SIDT1: variants seen among roughly 807,000 people sequenced by gnomAD.
SIDT1 encodes the protein SID1 transmembrane family, member 1.
In SIDT1, 101 loss-of-function variants were observed where a neutral mutation model predicts 107.5. That is an observed-to-expected ratio of 0.94 (90% CI 0.80 to 1.11). SIDT1 has a LOEUF of 1.11. SIDT1 is among the 50% of genes least tolerant of loss of function. The pLI, the probability that SIDT1 is intolerant of heterozygous loss-of-function variation, is 0.00. For missense variants in SIDT1, 1,076 were observed against 1,058.2 expected, an observed-to-expected ratio of 1.02 and a Z score of -0.23; for synonymous variants, 395 against 398.2, an observed-to-expected ratio of 0.99 and a Z score of 0.10.
chr3:113,560,525 G>T (rs1388342234), intron 1 of SIDT1, among the ~76,000 whole-genome samples: 1 of 152,148 alleles, frequency 6.6e-6, no homozygotes, highest in Non-Finnish European at 1.5e-5. Context: ...GGGAGGGAGC[G>T]AGGAGGAGCT....
intron 19 of SIDT1, chr3:113,615,015 A>G: frequency 2.0e-6 from 3 of 1,533,826 alleles, no homozygotes. Flanking sequence ...ACTTTCTTAC[A>G]CGTCTCTCTT....
intron 3 of SIDT1, among the ~76,000 whole-genome samples, chr3:113,572,287 T>C (rs1942528797): frequency 1.3e-5 from 2 of 152,186 alleles, no homozygotes; most frequent in African/African-American, 4.8e-5. Flanking sequence ...TATACTAACA[T>C]GACACTTAGG....
intron 4 of SIDT1, among the ~76,000 whole-genome samples, chr3:113,579,268 A>C (rs1274673004): frequency 6.6e-6 from 1 of 152,212 alleles, no homozygotes; most frequent in African/African-American, 2.4e-5. Flanking sequence ...GTTTATGGTA[A>C]TTTGCAGATA....
chr3:113,550,468 A>G (rs920352167), intron 1 of SIDT1, among the ~76,000 whole-genome samples: 1 of 152,222 alleles, frequency 6.6e-6, no homozygotes, highest in East Asian at 1.9e-4. Context: ...GTGGCGGAAG[A>G]TGAAGAACAC....
At chr3:113,612,013 A>G in intron 18 of SIDT1, 73 bp from the exon 19 acceptor site, 1 of 1,078,748 alleles carries the variant, frequency 9.3e-7, no homozygotes, top group Non-Finnish European at 1.4e-6. Context: ...TTACACATAC[A>G]GGAGAGAGGA....
rs1390835738 is a variant in SIDT1, at chr3:113,598,936, C to T, written c.1046-2652C>T. 3.3e-5 allele frequency among the ~76,000 whole-genome samples: 5 copies of T among 152,146 alleles called. No homozygotes were observed. In the East Asian group the frequency reaches 7.7e-4, roughly 23 times the overall value. ...GAGTCAAGGAGTTGGAGGCCAGCCT[C>T]GTCAACCTAGGGAGATTCTGTCTCT... On this transcript the variant is annotated intron_variant, in intron 10 of 24. Coordinates refer to ENST00000264852, the MANE Select transcript of SIDT1 (RefSeq NM_017699.3).
chr3:113,569,138 CAAAAAAAAA>C (rs780715523), intron 3 of SIDT1, among the ~76,000 whole-genome samples: 1 of 55,488 alleles, frequency 1.8e-5, no homozygotes, highest in African/African-American at 6.9e-5. Flanking sequence ...GACTCCCTCT[CAAAAAAAAA>C]AAAAAAAAAA....
chr3:113,578,953 G>A (rs952377123), intron 4 of SIDT1, among the ~76,000 whole-genome samples: 3 of 152,110 alleles, frequency 2.0e-5, no homozygotes, highest in Admixed American at 6.5e-5. Context: ...TGATATCTAC[G>A]AAAGGTTTAC....
chr3:113,553,598 G>A (rs2107671266), intron 1 of SIDT1, among the ~76,000 whole-genome samples: 1 of 152,242 alleles, frequency 6.6e-6, no homozygotes, highest in Middle Eastern at 3.4e-3. Flanking sequence ...GAGATAGAAA[G>A]AGACAGGAAA....
At chr3:113,588,867 C>T (rs572079838) in intron 9 of SIDT1, 1 of 151,022 alleles carries the variant, frequency 6.6e-6, no homozygotes, top group Admixed American at 6.6e-5. Context: ...TAAGTTTGCT[C>T]ACAAATCTAT....
At chr3:113,556,428 G>C (rs1940864247) in intron 1 of SIDT1, among the ~76,000 whole-genome samples, 1 of 150,982 alleles carries the variant, frequency 6.6e-6, no homozygotes, top group South Asian at 2.1e-4. Context: ...CTGCAGAGCT[G>C]CTTTGCTCAG....
chr3:113,542,350 T>G (rs1360470380), intron 1 of SIDT1, among the ~76,000 whole-genome samples: 1 of 152,184 alleles, frequency 6.6e-6, no homozygotes, highest in Non-Finnish European at 1.5e-5. Context: ...ATTATCTTAT[T>G]TAGGGATTCT....
chr3:113,560,594 A>G (rs1005377370), intron 1 of SIDT1, among the ~76,000 whole-genome samples: 1 of 152,188 alleles, frequency 6.6e-6, no homozygotes, highest in African/African-American at 2.4e-5. Context: ...ACAGTTAAAC[A>G]TTTGAAAAAA....
chr3:113,607,787 A>C (rs888721178), intron 15 of SIDT1, among the ~76,000 whole-genome samples: 11 of 152,202 alleles, frequency 7.2e-5, no homozygotes, highest in Non-Finnish European at 1.3e-4. Context: ...CTGTCTTTGA[A>C]GCAGCTGTCT....
At chr3:113,591,045 A>G (rs750909417) in intron 9 of SIDT1, among the ~76,000 whole-genome samples, 2 of 152,234 alleles carry the variant, frequency 1.3e-5, no homozygotes, top group Non-Finnish European at 2.9e-5. Context: ...TATGAAGGAG[A>G]CAAAAAGGTC....
chr3:113,579,539 T>C (rs981846527), intron 4 of SIDT1, among the ~76,000 whole-genome samples: 6 of 152,198 alleles, frequency 3.9e-5, no homozygotes, highest in African/African-American at 1.4e-4. Context: ...TGTTATAAGA[T>C]GTGAATAGAC....
At chr3:113,603,346 G>A (rs1945096765) in intron 12 of SIDT1, among the ~76,000 whole-genome samples, 196 bp downstream of exon 12, 1 of 152,102 alleles carries the variant, frequency 6.6e-6, no homozygotes, top group Admixed American at 6.6e-5. Context: ...GCGGAAGAAA[G>A]TGAGCACATT....
intron 1 of SIDT1, among the ~76,000 whole-genome samples, chr3:113,544,158 T>C (rs72950860): frequency 0.042 from 6,413 of 151,764 alleles, 258 homozygotes; most frequent in African/African-American, 0.11. Flanking sequence ...TTGCATTTAA[T>C]TATCATGAGT....
At chr3:113,575,520 A>G (rs2107464677) in intron 3 of SIDT1, among the ~76,000 whole-genome samples, 1 of 152,364 alleles carries the variant, frequency 6.6e-6, no homozygotes, top group South Asian at 2.1e-4. Context: ...TCTTTAGGCG[A>G]CTTAAGGACA....
Sources: gnomAD v4.1 joint callset for allele counts (sites outside exome capture counted in the v4.1 genomes callset) on GRCh38, gnomAD v4.1.1 for gene constraint, MANE v1.5 for transcripts, NCBI Gene and HGNC (gene_info 2026-07-23, HGNC 2026-07-21) for gene names.